The following GRIA4 variants were observed in gnomAD, a reference collection of about 807,000 sequenced individuals.
GRIA4 encodes the protein glutamate ionotropic receptor AMPA type subunit 4.
In GRIA4, 34 loss-of-function variants were observed where a neutral mutation model predicts 104.0. The observed-to-expected ratio is 0.33, with a 90% CI of 0.25 to 0.44. The LOEUF (loss-of-function observed/expected upper bound fraction) is 0.44. Among genes scored for constraint, GRIA4 ranks in the 20% least tolerant of loss-of-function variants. The pLI, the probability that GRIA4 is intolerant of heterozygous loss-of-function variation, is 1.00. For missense variants in GRIA4, 750 were observed against 1,096.5 expected, an observed-to-expected ratio of 0.68 and a Z score of 4.46; for synonymous variants, 386 against 381.9, an observed-to-expected ratio of 1.01 and a Z score of -0.13.
At chr11:105,920,096 A>C (rs145484761) in intron 11 of GRIA4, among the ~76,000 whole-genome samples, 123 of 152,280 alleles carry the variant, frequency 8.1e-4, no homozygotes, top group African/African-American at 2.6e-3. Flanking sequence ...TGTACAGTAC[A>C]GTAAAGCAGC....
chr11:105,974,570 C>G lies in GRIA4; in HGVS notation c.2544+126C>G, dbSNP rs593596. On this transcript the variant is annotated intron_variant, in intron 16 of 16. Transcript: ENST00000282499. Reference sequence around the variant, plus strand: ...TTAAAATTTAGGGGTAGGACTTAGGCCCGACTACAGTGAGTGGGGGATGCA... The same window carrying G: ...TTAAAATTTAGGGGTAGGACTTAGGGCCGACTACAGTGAGTGGGGGATGCA... 6.6e-4 allele frequency: 1,059 copies of G among 1,609,302 alleles called. 4 individuals are homozygous for G. In the Middle Eastern group the frequency reaches 0.012, roughly 18 times the overall value.
intron 4 of GRIA4, among the ~76,000 whole-genome samples, chr11:105,807,731 T>C (rs1019499980): frequency 7.9e-5 from 12 of 151,768 alleles, no homozygotes; most frequent in Admixed American, 7.9e-4. Context: ...TTTTTCTCCT[T>C]CTCTATCACA....
chr11:105,974,216 A>T (rs1254378382), intron 15 of GRIA4, 94 bp from the exon 16 acceptor site: 2 of 1,232,146 alleles, frequency 1.6e-6, no homozygotes, highest in Admixed American at 4.2e-5. Context: ...TAAATTAAGC[A>T]TTTACTTTCA....
intron 5 of GRIA4, among the ~76,000 whole-genome samples, chr11:105,866,551 GTATA>G (rs71041633): frequency 5.9e-4 from 45 of 76,710 alleles, no homozygotes; most frequent in African/African-American, 2.4e-3. Context: ...GTGTGTGTGT[GTATA>G]TATATATATA....
At chr11:105,978,456 T>G (rs1029559612) in intron 16 of GRIA4, among the ~76,000 whole-genome samples, 3 of 152,150 alleles carry the variant, frequency 2.0e-5, no homozygotes, top group African/African-American at 7.2e-5. Context: ...TATATGTCAT[T>G]ACTAGCAATT....
At chr11:105,673,278 T>G (rs1264871872) in intron 3 of GRIA4, among the ~76,000 whole-genome samples, 1 of 152,090 alleles carries the variant, frequency 6.6e-6, no homozygotes, top group African/African-American at 2.4e-5. Flanking sequence ...AGAAATTAAC[T>G]AACAGAAGCG....
chr11:105,780,582 C>T (rs1341932899), intron 4 of GRIA4, among the ~76,000 whole-genome samples: 2 of 151,814 alleles, frequency 1.3e-5, no homozygotes, highest in South Asian at 2.1e-4. Context: ...ACTAAATATT[C>T]CAAGATGAAT....
intron 3 of GRIA4, among the ~76,000 whole-genome samples, chr11:105,669,835 A>G (rs1431491362): frequency 6.6e-6 from 1 of 152,134 alleles, no homozygotes; most frequent in African/African-American, 2.4e-5. Context: ...GAATTCCCTT[A>G]AGCTAAACCA....
chr11:105,842,428 A>C (rs867542281), intron 4 of GRIA4, among the ~76,000 whole-genome samples: 1 of 152,178 alleles, frequency 6.6e-6, no homozygotes, highest in Non-Finnish European at 1.5e-5. Context: ...ACCTTAAGAA[A>C]CTACTGCAGT....
At chr11:105,616,147 T>G (rs1361457926) in intron 3 of GRIA4, among the ~76,000 whole-genome samples, 2 of 151,730 alleles carry the variant, frequency 1.3e-5, no homozygotes, top group East Asian at 3.8e-4. Flanking sequence ...TTTTTAAACT[T>G]TGATAGAAAG....
intron 4 of GRIA4, among the ~76,000 whole-genome samples, chr11:105,810,256 CTTG>C (rs1162760395): frequency 6.6e-6 from 1 of 152,174 alleles, no homozygotes; most frequent in Non-Finnish European, 1.5e-5. Flanking sequence ...GCATGACAGC[CTTG>C]TTGTGGGTGA....
At chr11:105,875,374 TC>T (rs1319181321) in intron 5 of GRIA4, among the ~76,000 whole-genome samples, 1 of 152,316 alleles carries the variant, frequency 6.6e-6, no homozygotes, top group East Asian at 1.9e-4. Flanking sequence ...CCTGAAATTT[TC>T]TTTTTTTGTT....
At chr11:105,668,983 C>T (rs1464747343) in intron 3 of GRIA4, among the ~76,000 whole-genome samples, 1 of 151,930 alleles carries the variant, frequency 6.6e-6, no homozygotes, top group East Asian at 1.9e-4. Flanking sequence ...CCAGACATCA[C>T]AATGTTCAAA....
intron 4 of GRIA4, among the ~76,000 whole-genome samples, chr11:105,842,491 T>C (rs1489927326): frequency 2.6e-5 from 4 of 152,198 alleles, no homozygotes; most frequent in African/African-American, 7.2e-5. Flanking sequence ...AGCGAAGCTA[T>C]TGAGAAGTTT....
At chr11:105,950,330 A>T (rs951500593) in intron 14 of GRIA4, among the ~76,000 whole-genome samples, 7 of 152,154 alleles carry the variant, frequency 4.6e-5, no homozygotes, top group Admixed American at 2.6e-4. Flanking sequence ...CTTAATGGAT[A>T]ATTGGCTAGA....
Position 105,753,260 on chromosome 11 carries a change from T to C in GRIA4, c.487+40T>C. ...TTCATCTATTAGAGCAAAACTCTAA[T>C]TTTCAATGTGAAATGGCCTTATATG... On this transcript the variant is annotated intron_variant, in intron 4 of 16. Coordinates refer to ENST00000282499, the MANE Select transcript of GRIA4 (RefSeq NM_000829.4). 3.1e-6 allele frequency: 5 copies of C among 1,599,484 alleles called. No homozygotes were observed. In the South Asian group the frequency reaches 5.5e-5, roughly 18 times the overall value.
intron 3 of GRIA4, among the ~76,000 whole-genome samples, chr11:105,693,769 G>A (rs1262527717): frequency 6.6e-6 from 1 of 152,120 alleles, no homozygotes; most frequent in Non-Finnish European, 1.5e-5. Flanking sequence ...AATATCTACA[G>A]CACAGAGATC....
intron 4 of GRIA4, among the ~76,000 whole-genome samples, chr11:105,848,948 C>T (rs1286858088): frequency 6.6e-6 from 1 of 151,988 alleles, no homozygotes; most frequent in Non-Finnish European, 1.5e-5. Context: ...ACCTGACTTC[C>T]TTGGGAGGCC....
At chr11:105,658,563 T>C (rs1951911042) in intron 3 of GRIA4, among the ~76,000 whole-genome samples, 1 of 151,850 alleles carries the variant, frequency 6.6e-6, no homozygotes, top group Non-Finnish European at 1.5e-5. Context: ...CAAATATAAG[T>C]AATATCATAC....
Sources: gnomAD v4.1 joint callset for allele counts (sites outside exome capture counted in the v4.1 genomes callset) on GRCh38, gnomAD v4.1.1 for gene constraint, MANE v1.5 for transcripts, NCBI Gene and HGNC (gene_info 2026-07-23, HGNC 2026-07-21) for gene names.